COL18A1: variants seen among roughly 807,000 people sequenced by gnomAD.
COL18A1 encodes the protein collagen alpha-1(XVIII) chain.
Under a neutral mutation model 168.0 loss-of-function variants are expected in COL18A1, and 133 were observed. That is an observed-to-expected ratio of 0.79 (90% CI 0.69 to 0.91). The LOEUF is 0.91. Ranked by LOEUF, COL18A1 falls within the 40% of genes least tolerant of loss-of-function variation. COL18A1 has a pLI of 0.00. For synonymous variants in COL18A1, 949 were observed against 809.0 expected (o/e 1.17, Z -2.94); for missense variants, 2,126 against 1,925.4 (o/e 1.10, Z -1.95).
At chr21:45,456,951 CG>C in intron 2 of COL18A1, 1 of 1,242,518 alleles carries the variant, frequency 8.0e-7, no homozygotes. Context: ...GCGGGGCTGA[CG>C]TGAGCCTGGT....
intron 18 of COL18A1, 91 bp downstream of exon 18, chr21:45,488,535 G>C (rs577082858): frequency 1.3e-6 from 2 of 1,578,770 alleles, no homozygotes; most frequent in Non-Finnish European, 1.7e-6. Flanking sequence ...CTTGCCTCGG[G>C]TTTTCTGATG....
intron 2 of COL18A1, among the ~76,000 whole-genome samples, chr21:45,446,053 T>C (rs1457694818): frequency 1.3e-5 from 2 of 152,254 alleles, no homozygotes; most frequent in African/African-American, 4.8e-5. Context: ...TTCAAAAGTT[T>C]TTTTATTTTA....
At chr21:45,493,908 C>G in intron 26 of COL18A1, 1 of 369,934 alleles carries the variant, frequency 2.7e-6, no homozygotes, top group South Asian at 3.2e-5. Flanking sequence ...CCAGCTCAGC[C>G]TCAGCAGGTT....
chr21:45,459,774 C>T (rs11909692), intron 2 of COL18A1, among the ~76,000 whole-genome samples: 4,460 of 152,060 alleles, frequency 0.029, 226 homozygotes, highest in African/African-American at 0.099. Context: ...CAAGAGTGAG[C>T]GAGCGGGGCT....
At chr21:45,496,477 A>T in intron 29 of COL18A1, 23 bp from the exon 30 acceptor site, 1 of 1,136,746 alleles carries the variant, frequency 8.8e-7, no homozygotes, top group Non-Finnish European at 1.3e-6. Flanking sequence ...CATAAGCCTA[A>T]CAGCTCTCTG....
intron 4 of COL18A1, 49 bp from the exon 5 acceptor site, chr21:45,475,427 C>A (rs748693685): frequency 6.6e-7 from 1 of 1,519,894 alleles, no homozygotes; most frequent in Non-Finnish European, 9.0e-7. Context: ...GGGCTCGGGG[C>A]CTGGCCTGGC....
chr21:45,492,676 T>G lies in COL18A1; in HGVS notation c.2188-11T>G. On this transcript the variant is annotated splice_polypyrimidine_tract_variant and intron_variant, in intron 23 of 41. Coordinates refer to ENST00000651438, the MANE Select transcript of COL18A1 (RefSeq NM_001379500.1). Reference sequence around the variant, plus strand: ...TGATGACCCCAGCTGACGCCGTCCCTCTTTCCCCAGGGCCGGCCGGGTTTC... The same window carrying G: ...TGATGACCCCAGCTGACGCCGTCCCGCTTTCCCCAGGGCCGGCCGGGTTTC... 1.9e-6 allele frequency: 3 copies of G among 1,611,624 alleles called. No homozygotes were observed. The highest frequency in any genetic ancestry group is 2.5e-6 in the Non-Finnish European group (3 of 1,179,444).
At chr21:45,474,271 C>T (rs930935372) in intron 4 of COL18A1, among the ~76,000 whole-genome samples, 2 of 148,340 alleles carry the variant, frequency 1.3e-5, no homozygotes, top group Non-Finnish European at 3.0e-5. Flanking sequence ...GTGTCTGTGT[C>T]TGTGTGGTGT....
At position 45,455,734 on chromosome 21, in the gene COL18A1, T is replaced by C. The variant is rs1031791883; in HGVS notation, c.107-12508T>C. The C allele has an allele frequency of 1.9e-6, 3 of 1,613,724 alleles. No individual in the cohort carries two copies. The highest frequency in any genetic ancestry group is 2.5e-6 in the Non-Finnish European group (3 of 1,179,966). Reference sequence around the variant, plus strand: ...CCACCACACACGTGACCCCCCGGAATGGTTCCACAGAGCCAGCGACAGCCC... The same window carrying C: ...CCACCACACACGTGACCCCCCGGAACGGTTCCACAGAGCCAGCGACAGCCC... On this transcript the variant is annotated intron_variant, in intron 2 of 41. Transcript: ENST00000651438.
At chr21:45,409,082 C>T (rs529571846) in intron 2 of COL18A1, among the ~76,000 whole-genome samples, 1 of 91,464 alleles carries the variant, frequency 1.1e-5, no homozygotes, top group Admixed American at 1.1e-4. Context: ...TCACCCCACC[C>T]CCGGCATGGG....
At chr21:45,493,061 G>A in intron 24 of COL18A1, 102 bp from the exon 25 acceptor site, 1 of 1,222,812 alleles carries the variant, frequency 8.2e-7, no homozygotes, top group Admixed American at 2.0e-5. Context: ...GGCTGTCGAG[G>A]CAGGCATATT....
At chr21:45,466,525 G>T (rs1407881960) in intron 2 of COL18A1, among the ~76,000 whole-genome samples, 1 of 152,210 alleles carries the variant, frequency 6.6e-6, no homozygotes, top group Non-Finnish European at 1.5e-5. Context: ...TGGGGTTCAG[G>T]CATTTGCTGT....
intron 2 of COL18A1, chr21:45,467,240 G>A (rs1190349212): frequency 2.0e-6 from 2 of 985,340 alleles, no homozygotes; most frequent in East Asian, 2.3e-4. Flanking sequence ...GGGCACCGGG[G>A]CTGCGTCCTG....
intron 19 of COL18A1, 113 bp from the exon 20 acceptor site, chr21:45,490,158 TGAGA>T (rs1007889601): frequency 2.8e-4 from 197 of 696,520 alleles, no homozygotes; most frequent in Non-Finnish European, 3.4e-4. Context: ...CCCACAGGGG[TGAGA>T]GAGAGAAGTC....
chr21:45,503,974 C>T (rs757757434), intron 32 of COL18A1, 37 bp from the exon 33 acceptor site: 10 of 1,612,400 alleles, frequency 6.2e-6, no homozygotes, highest in South Asian at 3.3e-5. Flanking sequence ...CTGTCAGACA[C>T]CACCTCAGCG....
At position 45,482,808 on chromosome 21, in the gene COL18A1, C is replaced by T; in HGVS notation, c.1688C>T (p.Ala563Val). The T allele has an allele frequency of 6.2e-7, 1 of 1,614,176 alleles. No individual in the cohort carries two copies. Among genetic ancestry groups the T allele is most frequent in the African/African-American group, 1.3e-5 (1 of 75,040 alleles). The change falls in exon 15 of 42, where the codon GCC (alanine) becomes GTC (valine). Residue 563 changes from alanine (A) to valine (V), a missense_variant. Ala to Val is a moderately conservative substitution (Grantham distance 64, BLOSUM62 0). Transcript: ENST00000651438. Reference sequence around the variant, plus strand: ...TTTTCCGTACAGGGTGAAGCAGGCGCCCCAGGACATAAGGTACAAGCAGAA... The same window carrying T: ...TTTTCCGTACAGGGTGAAGCAGGCGTCCCAGGACATAAGGTACAAGCAGAA... ...GQKGSLGEAGAPGHKGSKGAP... is the reference protein window; with the variant it reads ...GQKGSLGEAGVPGHKGSKGAP...
chr21:45,483,780 G>A (rs1380151627), intron 15 of COL18A1, among the ~76,000 whole-genome samples: 1 of 152,224 alleles, frequency 6.6e-6, no homozygotes, highest in East Asian at 1.9e-4. Context: ...GGAGAGGAGT[G>A]AGGAAGAGGA....
chr21:45,468,203 C>A (rs778904686), intron 2 of COL18A1, 39 bp from the exon 3 acceptor site: 1 of 1,611,162 alleles, frequency 6.2e-7, no homozygotes, highest in Non-Finnish European at 8.5e-7. Context: ...CTGGTTCCGT[C>A]CTGCACAGCC....
chr21:45,470,425 CTT>C (rs1195744330), intron 3 of COL18A1, among the ~76,000 whole-genome samples: 1,058 of 37,098 alleles, frequency 0.029, 27 homozygotes, highest in African/African-American at 0.11. Flanking sequence ...TTTACCTTGT[CTT>C]TTTTTTTTTT....
Sources: allele counts gnomAD v4.1 joint callset (sites outside exome capture counted in the v4.1 genomes callset), GRCh38; gene constraint gnomAD v4.1.1; transcripts MANE v1.5; gene names NCBI Gene and HGNC (gene_info 2026-07-23, HGNC 2026-07-21).